MCUR1: variants seen among roughly 807,000 people sequenced by gnomAD.
MCUR1 encodes mitochondrial calcium uniporter regulator 1, also known as MCU regulator 1.
MCUR1 carries 37 observed loss-of-function variants against 42.0 expected under a neutral mutation model. The ratio of observed to expected loss-of-function variants is 0.88; its 90% CI spans 0.68 to 1.16. The LOEUF is 1.16. Ranked by LOEUF, MCUR1 falls within the 50% of genes most tolerant of loss-of-function variation. The pLI, the probability that MCUR1 is intolerant of heterozygous loss-of-function variation, is 0.00. For synonymous variants in MCUR1, 229 were observed against 196.2 expected (o/e 1.17, Z -1.40); for missense variants, 469 against 468.4 (o/e 1.00, Z -0.01).
intron 7 of MCUR1, among the ~76,000 whole-genome samples, 191 bp downstream of exon 7, chr6:13,793,703 T>C (rs568800494): frequency 6.6e-6 from 1 of 152,374 alleles, no homozygotes; most frequent in South Asian, 2.1e-4. Context: ...GTACTTTAAA[T>C]GTACTGAACT....
At chr6:13,793,178 G>A (rs1584982496) in intron 7 of MCUR1, among the ~76,000 whole-genome samples, 1 of 142,602 alleles carries the variant, frequency 7.0e-6, no homozygotes, top group South Asian at 2.3e-4. Context: ...CATTAAGAAA[G>A]TTTAAATCTT....
chr6:13,813,982 C>T (rs1239338034), intron 1 of MCUR1, 33 bp downstream of exon 1: 1 of 1,228,866 alleles, frequency 8.1e-7, no homozygotes, highest in Non-Finnish European at 1.0e-6. Flanking sequence ...CCCCGCGAGA[C>T]GAGCCCCCTC....
At position 13,798,913 on chromosome 6, in the gene MCUR1, AG is replaced by A. The variant is rs1329354214; in HGVS notation, c.784-10del. 1 of 1,497,108 alleles carries A rather than the reference AG, an allele frequency of 6.7e-7. No individual in the cohort carries two copies. The highest frequency in any genetic ancestry group is 2.3e-5 in the East Asian group (1 of 44,296). 92.7% of individuals were successfully genotyped at this position (1,497,108 alleles called of 1,614,324 possible). On this transcript the variant is annotated splice_polypyrimidine_tract_variant and intron_variant, in intron 5 of 8. Transcript: ENST00000379170. ...ACTTTGATCACTTCATCCTAAAAGGAGGGCAAACAACAAAGAAGGAAAAATC... is the reference window on the plus strand; with the variant it reads ...ACTTTGATCACTTCATCCTAAAAGGAGGCAAACAACAAAGAAGGAAAAATC...
rs1346721586 is a variant in MCUR1 at position 13,790,733 on chromosome 6, G to A, written c.*76C>T. 13 of 1,161,546 alleles carry A rather than the reference G, an allele frequency of 1.1e-5. No homozygotes were observed. In the Admixed American group the frequency reaches 2.5e-4, roughly 22 times the overall value. 72.0% of individuals were successfully genotyped at this position (1,161,546 alleles called of 1,614,324 possible). On this transcript the variant is annotated 3_prime_UTR_variant, in exon 9 of 9. Transcript: ENST00000379170. Reference sequence around the variant, plus strand: ...CTCCCAAAGTGCTGGAATTACAGGTGTGAGCCACCGCACCCAGCCAACAAT... The same window carrying A: ...CTCCCAAAGTGCTGGAATTACAGGTATGAGCCACCGCACCCAGCCAACAAT...
At chr6:13,793,125 C>CAAAAAAAAA (rs781438643) in intron 7 of MCUR1, among the ~76,000 whole-genome samples, 3 of 87,850 alleles carry the variant, frequency 3.4e-5, no homozygotes, top group African/African-American at 9.1e-5. Context: ...GACCCCACCT[C>CAAAAAAAAA]AAAAAAAAAA....
chr6:13,797,172 A>T (rs977653198), intron 6 of MCUR1, among the ~76,000 whole-genome samples: 1 of 152,214 alleles, frequency 6.6e-6, no homozygotes, highest in African/African-American at 2.4e-5. Flanking sequence ...ATTATAGCAC[A>T]TTTTATCTAA....
chr6:13,787,251 G>C lies in MCUR1; in HGVS notation c.*3558C>G, dbSNP rs1024752200. On this transcript the variant is annotated 3_prime_UTR_variant, in exon 9 of 9. Coordinates refer to ENST00000379170, the MANE Select transcript of MCUR1 (RefSeq NM_001031713.4). ...ACAAAGGCAATCCCGACACACAGAG[G>C]CATGTTTGTTGCGGCTCAGGGTTTC... The C allele has an allele frequency of 6.6e-6, 1 of 152,198 alleles. No homozygotes were observed. The highest frequency in any genetic ancestry group is 2.4e-5 in the African/African-American group (1 of 41,448). 9.4% of individuals were successfully genotyped at this position (152,198 alleles called of 1,614,324 possible).
chr6:13,811,340 A>G (rs1018092773), intron 1 of MCUR1, among the ~76,000 whole-genome samples: 17 of 152,002 alleles, frequency 1.1e-4, no homozygotes, highest in Non-Finnish European at 2.2e-4. Flanking sequence ...GGCTAGGAAT[A>G]ATTTTTTTTT....
chr6:13,807,289 G>A (rs775612455), intron 1 of MCUR1, among the ~76,000 whole-genome samples: 44 of 152,142 alleles, frequency 2.9e-4, no homozygotes, highest in Non-Finnish European at 5.6e-4. Flanking sequence ...CCCCTTAGCT[G>A]TCACCTTCCA....
At chr6:13,796,317 T>C (rs1267897265) in intron 6 of MCUR1, among the ~76,000 whole-genome samples, 1 of 148,960 alleles carries the variant, frequency 6.7e-6, no homozygotes, top group African/African-American at 2.6e-5. Flanking sequence ...AGACAGGGTC[T>C]CACTCTGTCA....
intron 2 of MCUR1, among the ~76,000 whole-genome samples, chr6:13,803,280 C>T (rs1477451402): frequency 6.6e-6 from 1 of 152,310 alleles, no homozygotes. Context: ...AGGCTGTTCT[C>T]GAACTCCCGA....
At position 13,791,933 on chromosome 6, in the gene MCUR1, A is replaced by G; in HGVS notation, c.969T>C (p.Ala323=). The G allele has an allele frequency of 6.2e-7, 1 of 1,614,150 alleles. No homozygotes were observed. The highest frequency in any genetic ancestry group is 8.5e-7 in the Non-Finnish European group (1 of 1,180,020). ...GTGACTCAAGCATGGTTTTGAGGCC[A>G]GCAACCTCAGTTTCGATCTTCCTGT... The part of the protein sequence containing the change: ...QTDRKIETEV[A]GLKTMLESHK... The change falls in exon 8 of 9, where the codon GCT becomes GCC. Residue 323 remains alanine (A), a synonymous_variant. Transcript: ENST00000379170.
intron 4 of MCUR1, among the ~76,000 whole-genome samples, chr6:13,800,990 A>C (rs1759976035): frequency 6.6e-6 from 1 of 152,244 alleles, no homozygotes; most frequent in Admixed American, 6.5e-5. Context: ...ACAATGAAAA[A>C]AATGATCTCT....
chr6:13,801,791 T>C (rs1759996565), intron 3 of MCUR1, among the ~76,000 whole-genome samples: 1 of 152,092 alleles, frequency 6.6e-6, no homozygotes, highest in African/African-American at 2.4e-5. Context: ...TCAACGAGGC[T>C]GCAGTGAGCT....
intron 6 of MCUR1, among the ~76,000 whole-genome samples, chr6:13,794,638 GTTT>G (rs11411080): frequency 7.0e-6 from 1 of 143,730 alleles, no homozygotes; most frequent in African/African-American, 2.6e-5. Flanking sequence ...CACATGTTGG[GTTT>G]TTTTTTTTTT....
At chr6:13,813,118 G>C (rs983511284) in intron 1 of MCUR1, among the ~76,000 whole-genome samples, 15 of 152,188 alleles carry the variant, frequency 9.9e-5, no homozygotes, top group Non-Finnish European at 2.2e-4. Flanking sequence ...TGTAGCCTAG[G>C]AGCACTAGCC....
In MCUR1 at chr6:13,814,081, C is replaced by T; in HGVS notation, c.349G>A (p.Ala117Thr). ...TGGGGAAGGGCGCCGGCGGCAGCGG[C>T]GACGCCCGGTGAGCACCTCCACGCG... ...SSAWRCSPGV[A>T]AAAGALPQYH... Residue 117 changes from alanine (A) to threonine (T), a missense_variant, in exon 1 of 9, where the codon GCC becomes ACC. Physicochemically the swap from Ala to Thr is moderately conservative, Grantham distance 58. Coordinates refer to ENST00000379170, the MANE Select transcript of MCUR1 (RefSeq NM_001031713.4). 8.1e-7 allele frequency: 1 copy of T among 1,238,598 alleles called. No individual in the cohort carries two copies. The highest frequency in any genetic ancestry group is 1.0e-6 in the Non-Finnish European group (1 of 993,434). The allele number at this position is 1,238,598 out of a possible 1,614,324, so 76.7% of individuals were successfully genotyped here. A position where few individuals can be genotyped will look rare whatever the true frequency, so the allele number is the denominator to read the frequency against.
rs1322856320 is a variant in MCUR1, at chr6:13,788,904, C to T, written c.*1905G>A. ...CTAAAAGGGCAATGACTTATATTTT[C>T]CAAAGTTTAGACATGACATCCAAAG... On this transcript the variant is annotated 3_prime_UTR_variant, in exon 9 of 9. Coordinates refer to ENST00000379170, the MANE Select transcript of MCUR1 (RefSeq NM_001031713.4). 6.6e-6 allele frequency: 1 copy of T among 152,170 alleles called. No individual in the cohort carries two copies. Among genetic ancestry groups the T allele is most frequent in the Non-Finnish European group, 1.5e-5 (1 of 68,036 alleles). The allele number at this position is 152,170 out of a possible 1,614,324, so 9.4% of individuals were successfully genotyped here. A position where few individuals can be genotyped will look rare whatever the true frequency, so the allele number is the denominator to read the frequency against.
Position 13,814,287 on chromosome 6 carries a change from C to T in MCUR1, c.143G>A (p.Gly48Asp), listed in dbSNP as rs1172062274. Residue 48 changes from glycine to aspartate, a missense_variant, in exon 1 of 9, where the codon GGT becomes GAT. Coordinates refer to ENST00000379170, the MANE Select transcript of MCUR1 (RefSeq NM_001031713.4). ...GGCGCGAGGGCGCAGCGCCCCCAGA[C>T]CGTCGGAGAGCGCAGAGAGGCAGCG... ...ARRCLSALSD[G>D]LGALRPRAPA... 24 of 1,497,664 alleles carry T rather than the reference C, an allele frequency of 1.6e-5. No homozygotes were observed. The highest frequency in any genetic ancestry group is 2.0e-5 in the Non-Finnish European group (23 of 1,129,816). 92.8% of individuals were successfully genotyped at this position (1,497,664 alleles called of 1,614,324 possible).
Sources: gnomAD v4.1 joint callset for allele counts (sites outside exome capture counted in the v4.1 genomes callset) on GRCh38, gnomAD v4.1.1 for gene constraint, MANE v1.5 for transcripts, NCBI Gene and HGNC (gene_info 2026-07-23, HGNC 2026-07-21) for gene names.